GALNT14: variants seen among roughly 807,000 people sequenced by gnomAD.
The protein encoded by GALNT14 is polypeptide N-acetylgalactosaminyltransferase 14, also known as UDP-GalNAc:polypeptide N-acetylgalactosaminyltransferase 14.
In GALNT14, 60 loss-of-function variants were observed where a neutral mutation model predicts 77.5. The observed-to-expected ratio is 0.77, with a 90% CI of 0.63 to 0.96. GALNT14 has a LOEUF of 0.96. GALNT14 is among the 40% of genes least tolerant of loss of function. The probability of loss-of-function intolerance (pLI) is 0.00; values close to 1 mark genes in which losing one functional copy is unlikely to be tolerated. For synonymous variants in GALNT14, 280 were observed against 281.7 expected (o/e 0.99, Z 0.06); for missense variants, 710 against 731.0 (o/e 0.97, Z 0.33).
chr2:31,077,427 C>T (rs78697709), intron 1 of GALNT14, among the ~76,000 whole-genome samples: 3,376 of 152,260 alleles, frequency 0.022, 58 homozygotes, highest in Non-Finnish European at 0.027. Flanking sequence ...CATCTGTCTC[C>T]CTCTTTAAAT....
chr2:31,103,195 T>C (rs1677372962), intron 1 of GALNT14, among the ~76,000 whole-genome samples: 1 of 152,138 alleles, frequency 6.6e-6, no homozygotes, highest in Non-Finnish European at 1.5e-5. Context: ...TTCGTCTTTC[T>C]GTGATTGTTC....
chr2:31,110,248 G>C (rs1677768863), intron 1 of GALNT14, among the ~76,000 whole-genome samples: 2 of 152,094 alleles, frequency 1.3e-5, no homozygotes, highest in Admixed American at 6.5e-5. Flanking sequence ...AGAGCACACA[G>C]CTTCCTCCGG....
chr2:31,095,540 C>G lies in GALNT14; in HGVS notation c.129+42418G>C, dbSNP rs146702512. Among the ~76,000 whole-genome samples, 129 of 152,160 alleles carry G rather than the reference C, an allele frequency of 8.5e-4. 1 individual carries two copies. Among genetic ancestry groups the G allele is most frequent in the East Asian group, 6.4e-3 (33 of 5,162 alleles). ...CTTGGGTCCTAAAAAAAAGTCACTTCCTACTCATCAGGACACTAGATCACT... is the reference window on the plus strand; with the variant it reads ...CTTGGGTCCTAAAAAAAAGTCACTTGCTACTCATCAGGACACTAGATCACT... On this transcript the variant is annotated intron_variant, in intron 1 of 14. Coordinates refer to ENST00000349752, the MANE Select transcript of GALNT14 (RefSeq NM_024572.4).
At chr2:31,023,854 C>T (rs1216193116) in intron 1 of GALNT14, among the ~76,000 whole-genome samples, 1 of 152,172 alleles carries the variant, frequency 6.6e-6, no homozygotes, top group Admixed American at 6.6e-5. Context: ...GTTGTGCATC[C>T]AGCACCCTAC....
chr2:30,920,839 G>A lies in GALNT14; in HGVS notation c.1380+3280C>T, dbSNP rs537527018. 6.6e-5 allele frequency among the ~76,000 whole-genome samples: 10 copies of A among 152,312 alleles called. No individual in the cohort carries two copies. In the East Asian group the frequency reaches 1.4e-3, roughly 21 times the overall value. On this transcript the variant is annotated intron_variant, in intron 13 of 14. Transcript: ENST00000349752. ...ATCAGGCCACCTTGCATCCCAGCAG[G>A]AATGGTCCCTGGGCCGTGGTACAGT...
intron 1 of GALNT14, among the ~76,000 whole-genome samples, chr2:31,023,442 C>A (rs955627273): frequency 1.3e-5 from 2 of 152,034 alleles, no homozygotes; most frequent in Non-Finnish European, 2.9e-5. Flanking sequence ...AGCATACATG[C>A]GGTGAATTTC....
At chr2:31,125,983 G>A (rs570062821) in intron 1 of GALNT14, among the ~76,000 whole-genome samples, 1 of 152,282 alleles carries the variant, frequency 6.6e-6, no homozygotes, top group Admixed American at 6.5e-5. Flanking sequence ...TCTCAAAAAT[G>A]TGATACTTTG....
chr2:31,138,043 A>AC lies in GALNT14; in HGVS notation c.43dup (p.Val15GlyfsTer24). 1 of 1,613,722 alleles carries AC rather than the reference A, an allele frequency of 6.2e-7. No individual in the cohort carries two copies. Among genetic ancestry groups the AC allele is most frequent in the Non-Finnish European group, 8.5e-7 (1 of 1,179,776 alleles). ...GAACAGCAGCACCGTGATCCAGAGC[A>AC]CCCCGAAGACTGGCAGAACCAGCCG... On this transcript the variant is annotated frameshift_variant, in exon 1 of 15. Transcript: ENST00000349752. LOFTEE classifies it high-confidence loss of function.
At chr2:31,101,931 G>A (rs759133562) in intron 1 of GALNT14, among the ~76,000 whole-genome samples, 1 of 151,990 alleles carries the variant, frequency 6.6e-6, no homozygotes, top group African/African-American at 2.4e-5. Context: ...TTCCCCATTC[G>A]CTGGGCACTC....
chr2:30,929,659 C>G (rs1665609736), intron 10 of GALNT14, among the ~76,000 whole-genome samples, 172 bp from the exon 11 acceptor site: 1 of 152,164 alleles, frequency 6.6e-6, no homozygotes, highest in Admixed American at 6.5e-5. Flanking sequence ...CCAGCCAAGC[C>G]CCACCCAATC....
At chr2:30,933,142 G>A (rs901652645) in intron 9 of GALNT14, among the ~76,000 whole-genome samples, 3 of 150,830 alleles carry the variant, frequency 2.0e-5, no homozygotes, top group African/African-American at 7.3e-5. Context: ...AATTGCCAGT[G>A]CATGGTGACA....
the GALNT14 span, among the ~76,000 whole-genome samples, chr2:30,898,251 C>G: frequency 0.16 from 23,649 of 152,070 alleles, 3,300 homozygotes; most frequent in East Asian, 0.36. Context: ...CCAGCCTCCA[C>G]AACTATGAGA....
intron 1 of GALNT14, among the ~76,000 whole-genome samples, chr2:31,060,748 C>G (rs1674540496): frequency 6.6e-6 from 1 of 152,268 alleles, no homozygotes; most frequent in South Asian, 2.1e-4. Flanking sequence ...TCACCTCTCT[C>G]CAAGGGAAGC....
rs542537904 is a variant in GALNT14, at chr2:30,917,829, C to A, written c.1381-5487G>T. 6.6e-5 allele frequency among the ~76,000 whole-genome samples: 10 copies of A among 152,338 alleles called. No homozygotes were observed. The East Asian group carries it at 1.9e-3, about 29-fold the overall frequency. On this transcript the variant is annotated intron_variant, in intron 13 of 14. Transcript: ENST00000349752. ...TGAGGTGAGACCTGAGCCAAGTATC[C>A]AGGGCCTTGAACATCTTAGTCCATA...
chr2:30,988,761 C>A (rs1010617598), intron 2 of GALNT14, among the ~76,000 whole-genome samples: 1 of 152,210 alleles, frequency 6.6e-6, no homozygotes, highest in Non-Finnish European at 1.5e-5. Flanking sequence ...TGCCGAGACA[C>A]AATCAGTTCA....
At chr2:31,109,762 G>A (rs1677744769) in intron 1 of GALNT14, among the ~76,000 whole-genome samples, 1 of 152,168 alleles carries the variant, frequency 6.6e-6, no homozygotes, top group African/African-American at 2.4e-5. Flanking sequence ...GCTGATAGTG[G>A]TCCTTGAAAG....
chr2:31,125,264 C>T, intron 1 of GALNT14: 1 of 1,545,778 alleles, frequency 6.5e-7, no homozygotes, highest in South Asian at 1.2e-5. Flanking sequence ...CTGAAAATGC[C>T]ACAAGAAAGA....
At chr2:31,004,169 A>C (rs1197799559) in intron 1 of GALNT14, among the ~76,000 whole-genome samples, 1 of 152,188 alleles carries the variant, frequency 6.6e-6, no homozygotes. Flanking sequence ...CAGAGCGGCA[A>C]GCTGGTCACT....
chr2:31,075,446 T>TC (rs1675708848), intron 1 of GALNT14, among the ~76,000 whole-genome samples: 1 of 152,204 alleles, frequency 6.6e-6, no homozygotes, highest in South Asian at 2.1e-4. Flanking sequence ...GGTTTGTTGA[T>TC]TGATCTGGAA....
Sources: gnomAD v4.1 joint callset for allele counts (sites outside exome capture counted in the v4.1 genomes callset) on GRCh38, gnomAD v4.1.1 for gene constraint, MANE v1.5 for transcripts, NCBI Gene and HGNC (gene_info 2026-07-23, HGNC 2026-07-21) for gene names.